Variants in ANKRD62 observed in about 807,000 individuals in gnomAD.
ANKRD62 encodes ankyrin repeat domain-containing protein 62.
Under a neutral mutation model 98.8 loss-of-function variants are expected in ANKRD62, and 61 were observed. The ratio of observed to expected loss-of-function variants is 0.62; its 90% CI spans 0.50 to 0.76. The LOEUF (loss-of-function observed/expected upper bound fraction) is 0.76, where lower values mean the gene tolerates loss of function less well. ANKRD62 is among the 30% of genes least tolerant of loss of function. The probability of loss-of-function intolerance (pLI) is 0.00; values close to 1 mark genes in which losing one functional copy is unlikely to be tolerated. For missense variants in ANKRD62, 933 were observed against 1,082.9 expected, an observed-to-expected ratio of 0.86 and a Z score of 1.94; for synonymous variants, 341 against 367.9, an observed-to-expected ratio of 0.93 and a Z score of 0.84.
intron 7 of ANKRD62, among the ~76,000 whole-genome samples, chr18:12,104,511 T>C (rs1307235022): frequency 6.6e-6 from 1 of 152,076 alleles, no homozygotes; most frequent in African/African-American, 2.4e-5. Context: ...GACTCCCTTA[T>C]GTGCAAAAGT....
the ANKRD62 span, among the ~76,000 whole-genome samples, chr18:12,172,575 G>A: frequency 6.6e-6 from 1 of 152,178 alleles, no homozygotes; most frequent in East Asian, 1.9e-4. Flanking sequence ...CGGGGGTCAG[G>A]GACCCACTTG....
chr18:12,131,736 AGTGTGTGTGTGT>A (rs59080091), downstream of ANKRD62, among the ~76,000 whole-genome samples: 1 of 148,716 alleles, frequency 6.7e-6, no homozygotes, highest in African/African-American at 2.5e-5. Flanking sequence ...TGTATGTGTG[AGTGTGTGTGTGT>A]GTGTGTGTGT....
chr18:12,139,656 A>T, the ANKRD62 span, among the ~76,000 whole-genome samples: 1 of 151,822 alleles, frequency 6.6e-6, no homozygotes, highest in African/African-American at 2.4e-5. Flanking sequence ...AAAAAAAAAA[A>T]GAATGTTGAG....
the ANKRD62 span, among the ~76,000 whole-genome samples, chr18:12,137,824 T>G: frequency 6.6e-6 from 1 of 152,238 alleles, no homozygotes; most frequent in Non-Finnish European, 1.5e-5. Context: ...TTTTCTAGTT[T>G]ATTTGCAGTG....
At chr18:12,101,443 A>C (rs1013754312) in intron 6 of ANKRD62, among the ~76,000 whole-genome samples, 2 of 152,180 alleles carry the variant, frequency 1.3e-5, no homozygotes, top group African/African-American at 4.8e-5. Flanking sequence ...TTTTCTTCCT[A>C]AGATTTAGAA....
chr18:12,178,555 G>T, the ANKRD62 span, among the ~76,000 whole-genome samples: 1 of 149,536 alleles, frequency 6.7e-6, no homozygotes, highest in Non-Finnish European at 1.5e-5. Flanking sequence ...AATATGAAAT[G>T]CAGTGAAGAA....
rs117520714 is a variant in ANKRD62, at chr18:12,111,365, T to A, written c.1065-3723T>A. 6.3e-3 allele frequency among the ~76,000 whole-genome samples: 958 copies of A among 152,228 alleles called. 8 individuals carry two copies. Among genetic ancestry groups the A allele is most frequent in the Non-Finnish European group, 0.01 (704 of 68,020 alleles). On this transcript the variant is annotated intron_variant, in intron 8 of 13. Transcript: ENST00000587848. ...AAATGTCTTTTGATGAAATTCAACA[T>A]TTATGTTAAAAGCTCTCAACTAGTT...
rs762763480 is a variant in ANKRD62, at chr18:12,122,459, C to T, written c.1397C>T (p.Thr466Ile). 1.6e-5 allele frequency: 25 copies of T among 1,534,900 alleles called. No individual in the cohort carries two copies. Among genetic ancestry groups the T allele is most frequent in the African/African-American group, 1.1e-4 (8 of 72,922 alleles). The change falls in exon 11 of 14, where the codon ACC (threonine) becomes ATC (isoleucine). Residue 466 changes from threonine (T) to isoleucine (I), a missense_variant. Thr to Ile is a moderately conservative substitution (Grantham distance 89). Coordinates refer to ENST00000587848, the MANE Select transcript of ANKRD62 (RefSeq NM_001277333.2). ...AAGGTACTATCTGAAACAGACAAAACCAAATCACAGTCAGAGCATCAGAAT... is the reference window on the plus strand; with the variant it reads ...AAGGTACTATCTGAAACAGACAAAATCAAATCACAGTCAGAGCATCAGAAT... The part of the protein sequence containing the change: ...LQKVLSETDK[T>I]KSQSEHQNLQ...
At chr18:12,121,119 A>C (rs1038502328) in intron 10 of ANKRD62, among the ~76,000 whole-genome samples, 1 of 152,094 alleles carries the variant, frequency 6.6e-6, no homozygotes, top group African/African-American at 2.4e-5. Context: ...ATTTTCCTCC[A>C]CTGTAGTTTT....
At chr18:12,107,890 A>G (rs1376222419) in intron 8 of ANKRD62, among the ~76,000 whole-genome samples, 1 of 152,136 alleles carries the variant, frequency 6.6e-6, no homozygotes, top group Non-Finnish European at 1.5e-5. Flanking sequence ...TATACATATG[A>G]TGTAGAAGAT....
At chr18:12,163,578 C>T in the ANKRD62 span, among the ~76,000 whole-genome samples, 1 of 152,050 alleles carries the variant, frequency 6.6e-6, no homozygotes, top group Non-Finnish European at 1.5e-5. Flanking sequence ...GGCATCTCTG[C>T]CATGTTCCAC....
At position 12,129,449 on chromosome 18, in the gene ANKRD62, A is replaced by C. The variant is rs1433975049; in HGVS notation, c.*1510A>C. On this transcript the variant is annotated 3_prime_UTR_variant, in exon 14 of 14. Coordinates refer to ENST00000587848, the MANE Select transcript of ANKRD62 (RefSeq NM_001277333.2). ...GGCTGCATTCCAGTAAAATTTAGTT[A>C]AAAAACAGGTAATAGGGGCCAGGCA... 1 of 152,142 alleles carries C rather than the reference A, an allele frequency of 6.6e-6. No individual in the cohort carries two copies. Among genetic ancestry groups the C allele is most frequent in the Non-Finnish European group, 1.5e-5 (1 of 68,050 alleles). 9.4% of individuals were successfully genotyped at this position (152,142 alleles called of 1,614,324 possible). A position where few individuals can be genotyped will look rare whatever the true frequency, so the allele number is the denominator to read the frequency against.
chr18:12,172,319 T>C, the ANKRD62 span, among the ~76,000 whole-genome samples: 3 of 152,338 alleles, frequency 2.0e-5, no homozygotes, highest in South Asian at 6.2e-4. Flanking sequence ...AGATGGGGTT[T>C]TGGTGTGGAT....
intron 7 of ANKRD62, among the ~76,000 whole-genome samples, chr18:12,105,481 A>AGTAT (rs1909392505): frequency 6.6e-6 from 1 of 152,212 alleles, no homozygotes; most frequent in Non-Finnish European, 1.5e-5. Flanking sequence ...CCAGGTGCAC[A>AGTAT]GTATGAGCTG....
chr18:12,157,336 T>C, the ANKRD62 span, among the ~76,000 whole-genome samples: 1 of 152,190 alleles, frequency 6.6e-6, no homozygotes, highest in Non-Finnish European at 1.5e-5. Context: ...ATGTAGAACA[T>C]TTCATCACTC....
At chr18:12,124,758 A>G (rs1452002824) in intron 12 of ANKRD62, among the ~76,000 whole-genome samples, 1 of 152,118 alleles carries the variant, frequency 6.6e-6, no homozygotes, top group African/African-American at 2.4e-5. Context: ...TTGTATATCT[A>G]CCCCATGGAA....
chr18:12,139,415 A>G, the ANKRD62 span, among the ~76,000 whole-genome samples: 1 of 151,992 alleles, frequency 6.6e-6, no homozygotes, highest in Admixed American at 6.6e-5. Flanking sequence ...GAGGTTGAGG[A>G]GGGCGGATCA....
intron 7 of ANKRD62, among the ~76,000 whole-genome samples, chr18:12,103,644 TA>T (rs1909354799): frequency 2.0e-5 from 3 of 152,122 alleles, no homozygotes; most frequent in Admixed American, 2.0e-4. Context: ...ATACCAAGAT[TA>T]AAAATGTATT....
At chr18:12,120,745 ATGATT>A (rs1169260695) in intron 10 of ANKRD62, among the ~76,000 whole-genome samples, 5 of 151,950 alleles carry the variant, frequency 3.3e-5, no homozygotes, top group Non-Finnish European at 7.4e-5. Context: ...GCTATTTTCT[ATGATT>A]TGATTTCATA....
Sources: allele counts gnomAD v4.1 joint callset (sites outside exome capture counted in the v4.1 genomes callset), GRCh38; gene constraint gnomAD v4.1.1; transcripts MANE v1.5; gene names NCBI Gene and HGNC (gene_info 2026-07-23, HGNC 2026-07-21).